PHACTR1: variants seen among roughly 807,000 people sequenced by gnomAD.
PHACTR1 encodes the protein RPEL repeat containing 1.
In PHACTR1, 16 loss-of-function variants were observed where a neutral mutation model predicts 69.2. That is an observed-to-expected ratio of 0.23 (90% confidence interval 0.16 to 0.35). The LOEUF (loss-of-function observed/expected upper bound fraction) is 0.35, where lower values mean the gene tolerates loss of function less well. Ranked by LOEUF, PHACTR1 falls within the 10% of genes least tolerant of loss-of-function variation. The pLI, the probability that PHACTR1 is intolerant of heterozygous loss-of-function variation, is 1.00. For missense variants in PHACTR1, 510 were observed against 734.7 expected, an observed-to-expected ratio of 0.69 and a Z score of 3.54; for synonymous variants, 312 against 284.5, an observed-to-expected ratio of 1.10 and a Z score of -0.97.
intron 8 of PHACTR1, among the ~76,000 whole-genome samples, chr6:13,225,937 T>A (rs765590887): frequency 2.4e-4 from 37 of 152,218 alleles, no homozygotes; most frequent in Non-Finnish European, 4.1e-4. Flanking sequence ...AAAGGGCTGC[T>A]TTGCAGGGTG....
intron 8 of PHACTR1, among the ~76,000 whole-genome samples, chr6:13,221,365 G>A (rs1768589814): frequency 7.0e-6 from 1 of 142,682 alleles, no homozygotes; most frequent in Non-Finnish European, 1.5e-5. Flanking sequence ...GCCTTTCCTG[G>A]CTCTTTTGAT....
chr6:12,752,929 G>C (rs1766805195), intron 4 of PHACTR1, among the ~76,000 whole-genome samples: 1 of 152,170 alleles, frequency 6.6e-6, no homozygotes, highest in African/African-American at 2.4e-5. Context: ...ATTTTTCTAA[G>C]AGTCCTTTTT....
chr6:13,037,261 C>T (rs908200387), intron 4 of PHACTR1, among the ~76,000 whole-genome samples: 59 of 152,252 alleles, frequency 3.9e-4, no homozygotes, highest in African/African-American at 1.4e-3. Context: ...AGGTATCTCT[C>T]TCTAAGTGTG....
chr6:13,280,661 CCAGT>C, intron 12 of PHACTR1: 1 of 312,768 alleles, frequency 3.2e-6, no homozygotes, highest in Non-Finnish European at 6.3e-6. Flanking sequence ...TAGCAACAGA[CCAGT>C]CATTTTCTCT....
At chr6:12,808,129 T>G (rs1259678750) in intron 4 of PHACTR1, among the ~76,000 whole-genome samples, 9 of 152,196 alleles carry the variant, frequency 5.9e-5, no homozygotes, top group Non-Finnish European at 1.5e-5. Flanking sequence ...TTTTGTCACC[T>G]CTATAGTTCT....
chr6:12,997,884 C>G (rs1009161960), intron 4 of PHACTR1, among the ~76,000 whole-genome samples: 2 of 151,978 alleles, frequency 1.3e-5, no homozygotes, highest in Non-Finnish European at 2.9e-5. Context: ...ACCCGGGAGG[C>G]AGAGCTTGCA....
chr6:13,107,690 G>A (rs1412169787), intron 5 of PHACTR1, among the ~76,000 whole-genome samples: 1 of 152,004 alleles, frequency 6.6e-6, no homozygotes, highest in Non-Finnish European at 1.5e-5. Context: ...TCCATTTAAT[G>A]TCTATAGTAT....
chr6:13,240,522 G>A (rs1307299585), intron 10 of PHACTR1, among the ~76,000 whole-genome samples: 7 of 152,014 alleles, frequency 4.6e-5, no homozygotes, highest in Non-Finnish European at 1.5e-5. Context: ...TTGGCTCACT[G>A]CAACCTCCAC....
Position 12,949,284 on chromosome 6 carries a change from A to G in PHACTR1, c.251-104081A>G, listed in dbSNP as rs112881304. Among the ~76,000 whole-genome samples the G allele has an allele frequency of 1.5e-3, 216 of 147,152 alleles. 1 individual carries two copies. The highest frequency in any genetic ancestry group is 3.4e-3 in the Middle Eastern group (1 of 292). ...AACGTCATCTCAAAAAAAAAAAAAA[A>G]AAAGAAAGAAAGAAAAGGAAAAAAA... On this transcript the variant is annotated intron_variant, in intron 4 of 14. Coordinates refer to ENST00000332995, the MANE Select transcript of PHACTR1 (RefSeq NM_030948.6).
chr6:13,256,957 A>G (rs891132309), intron 10 of PHACTR1, among the ~76,000 whole-genome samples: 3 of 152,296 alleles, frequency 2.0e-5, no homozygotes, highest in African/African-American at 7.2e-5. Flanking sequence ...TTATAGCAAT[A>G]CCCTACTCCT....
At chr6:12,926,051 T>C (rs1788239922) in intron 4 of PHACTR1, among the ~76,000 whole-genome samples, 1 of 152,204 alleles carries the variant, frequency 6.6e-6, no homozygotes, top group East Asian at 1.9e-4. Flanking sequence ...CCCTCTGCAG[T>C]GTGGCTTTTG....
At chr6:13,083,774 GT>G (rs1811803073) in intron 5 of PHACTR1, among the ~76,000 whole-genome samples, 2 of 152,196 alleles carry the variant, frequency 1.3e-5, no homozygotes, top group South Asian at 4.1e-4. Flanking sequence ...AAGAATGCTT[GT>G]GATTTTTGTA....
intron 8 of PHACTR1, among the ~76,000 whole-genome samples, chr6:13,217,433 G>C (rs1416508140): frequency 6.6e-6 from 1 of 152,162 alleles, no homozygotes; most frequent in Non-Finnish European, 1.5e-5. Flanking sequence ...AAGTAGAAAA[G>C]CCACCACTGG....
intron 5 of PHACTR1, among the ~76,000 whole-genome samples, chr6:13,074,151 G>A (rs1022809918): frequency 5.3e-5 from 8 of 152,268 alleles, no homozygotes; most frequent in South Asian, 2.1e-4. Flanking sequence ...GATTACAGGC[G>A]TGAGCCACTG....
At chr6:13,201,155 G>C (rs1050078327) in intron 7 of PHACTR1, among the ~76,000 whole-genome samples, 1 of 152,066 alleles carries the variant, frequency 6.6e-6, no homozygotes, top group Admixed American at 6.5e-5. Context: ...CCAGGAACTA[G>C]CTGGGAAGAC....
rs114576435 is a variant in PHACTR1, at chr6:13,126,506, C to A, written c.416-33698C>A. ...CCAAACTCTTCCCACTGAAGAATGG[C>A]CTTGAACAAGCCTCTTAGCCCTAGA... On this transcript the variant is annotated intron_variant, in intron 5 of 14. Coordinates refer to ENST00000332995, the MANE Select transcript of PHACTR1 (RefSeq NM_030948.6). Among the ~76,000 whole-genome samples the A allele has an allele frequency of 1.7e-3, 263 of 152,272 alleles. 1 individual carries two copies. The highest frequency in any genetic ancestry group is 6.3e-3 in the African/African-American group (263 of 41,564).
chr6:13,211,919 C>T (rs976646877), intron 8 of PHACTR1, among the ~76,000 whole-genome samples: 1 of 152,100 alleles, frequency 6.6e-6, no homozygotes, highest in Non-Finnish European at 1.5e-5. Flanking sequence ...TTTAAAAACA[C>T]ACACACACAC....
intron 4 of PHACTR1, among the ~76,000 whole-genome samples, chr6:12,788,185 A>G (rs1213861787): frequency 6.6e-6 from 1 of 151,314 alleles, no homozygotes; most frequent in Non-Finnish European, 1.5e-5. Flanking sequence ...AAACACCTCA[A>G]CAAAGGAAAC....
intron 4 of PHACTR1, among the ~76,000 whole-genome samples, chr6:12,948,834 T>C (rs1013741700): frequency 3.3e-5 from 5 of 152,226 alleles, no homozygotes; most frequent in Admixed American, 6.5e-5. Flanking sequence ...AATTTAGTGA[T>C]ATATTAAATT....
Sources: gnomAD v4.1 joint callset for allele counts (sites outside exome capture counted in the v4.1 genomes callset) on GRCh38, gnomAD v4.1.1 for gene constraint, MANE v1.5 for transcripts, NCBI Gene and HGNC (gene_info 2026-07-23, HGNC 2026-07-21) for gene names.